The following UBE3D variants were observed in gnomAD, a reference collection of about 807,000 sequenced individuals.
UBE3D encodes the protein E3 ubiquitin-protein ligase E3D.
In UBE3D, 48 loss-of-function variants were observed where a neutral mutation model predicts 49.6. The ratio of observed to expected loss-of-function variants is 0.97; its 90% CI spans 0.77 to 1.23. The LOEUF is 1.23. UBE3D is among the 50% of genes most tolerant of loss of function. UBE3D has a pLI of 0.00. For missense variants in UBE3D, 452 were observed against 468.4 expected (o/e 0.96, Z 0.32); for synonymous variants, 189 against 174.2 (o/e 1.08, Z -0.67).
chr6:82,965,351 A>T (rs1776836057), intron 8 of UBE3D, among the ~76,000 whole-genome samples: 1 of 152,156 alleles, frequency 6.6e-6, no homozygotes, highest in Non-Finnish European at 1.5e-5. Flanking sequence ...TGGGAGGCCG[A>T]GGCCAGTGGA....
the UBE3D span, among the ~76,000 whole-genome samples, chr6:82,883,722 A>C: frequency 6.6e-6 from 1 of 152,206 alleles, no homozygotes; most frequent in African/African-American, 2.4e-5. Flanking sequence ...ACCTCAATCT[A>C]ATATACTTTC....
chr6:82,914,724 A>T (rs293491), intron 9 of UBE3D, among the ~76,000 whole-genome samples: 102,027 of 152,018 alleles, frequency 0.67, 34,769 homozygotes, highest in East Asian at 0.8. Flanking sequence ...AATTTATAGC[A>T]TTCTGCAAAG....
chr6:83,024,649 G>C (rs1781327894), intron 5 of UBE3D, among the ~76,000 whole-genome samples: 1 of 152,056 alleles, frequency 6.6e-6, no homozygotes, highest in Non-Finnish European at 1.5e-5. Flanking sequence ...TTGATCACCT[G>C]ACCCCATCCC....
downstream of UBE3D, among the ~76,000 whole-genome samples, chr6:82,887,826 C>G (rs902192024): frequency 6.6e-6 from 1 of 152,084 alleles, no homozygotes; most frequent in Non-Finnish European, 1.5e-5. Context: ...TATCACCATC[C>G]TATGAAGAGA....
chr6:83,052,009 T>C (rs976384542), intron 3 of UBE3D, among the ~76,000 whole-genome samples: 6 of 152,210 alleles, frequency 3.9e-5, no homozygotes, highest in Admixed American at 6.5e-5. Flanking sequence ...GGACAGTGCC[T>C]GATGCTGAGG....
At chr6:83,041,206 G>T (rs1782648314) in intron 4 of UBE3D, among the ~76,000 whole-genome samples, 1 of 152,054 alleles carries the variant, frequency 6.6e-6, no homozygotes, top group Non-Finnish European at 1.5e-5. Context: ...CAAGTGCTTT[G>T]ATATGTACTT....
intron 9 of UBE3D, among the ~76,000 whole-genome samples, chr6:82,948,689 G>C (rs187597978): frequency 6.6e-6 from 1 of 151,908 alleles, no homozygotes; most frequent in Non-Finnish European, 1.5e-5. Context: ...ATTTATCCCA[G>C]GGATACAAGT....
intron 8 of UBE3D, among the ~76,000 whole-genome samples, chr6:82,973,278 T>A (rs1777480235): frequency 6.6e-6 from 1 of 152,178 alleles, no homozygotes; most frequent in African/African-American, 2.4e-5. Flanking sequence ...ACAAAATCTA[T>A]CAGGTCAGTC....
intron 5 of UBE3D, among the ~76,000 whole-genome samples, chr6:83,032,566 A>C (rs1386250603): frequency 1.3e-5 from 2 of 152,340 alleles, no homozygotes; most frequent in Admixed American, 6.5e-5. Flanking sequence ...TTTTCAGTTA[A>C]TGCTGAAATG....
chr6:83,026,010 A>C lies in UBE3D; in HGVS notation c.668-1972T>G, dbSNP rs113211604. 9.6e-3 allele frequency among the ~76,000 whole-genome samples: 1,466 copies of C among 152,210 alleles called. 26 individuals carry two copies. The highest frequency in any genetic ancestry group is 0.034 in the African/African-American group (1,395 of 41,468). On this transcript the variant is annotated intron_variant, in intron 5 of 9. Transcript: ENST00000369747. Reference sequence around the variant, plus strand: ...AACACTTATCTATAGTGATACTCATAATATCAATAGAAAAATACTGAAAAC... The same window carrying C: ...AACACTTATCTATAGTGATACTCATCATATCAATAGAAAAATACTGAAAAC...
At chr6:83,020,299 T>C (rs948814756) in intron 7 of UBE3D, among the ~76,000 whole-genome samples, 4 of 150,718 alleles carry the variant, frequency 2.7e-5, no homozygotes, top group African/African-American at 9.8e-5. Context: ...ATACATACTG[T>C]GAAGCAAGCA....
intron 8 of UBE3D, among the ~76,000 whole-genome samples, chr6:82,971,766 T>C (rs1456518571): frequency 6.6e-6 from 1 of 152,076 alleles, no homozygotes; most frequent in East Asian, 1.9e-4. Flanking sequence ...TTTAAGTTTA[T>C]TTTTGCCAGA....
chr6:82,889,695 T>C (rs1770946800), downstream of UBE3D, among the ~76,000 whole-genome samples: 1 of 152,142 alleles, frequency 6.6e-6, no homozygotes, highest in Non-Finnish European at 1.5e-5. Flanking sequence ...TATATAGTAA[T>C]TTTATGATAA....
At chr6:82,952,781 G>A (rs1775896049) in intron 9 of UBE3D, among the ~76,000 whole-genome samples, 1 of 152,118 alleles carries the variant, frequency 6.6e-6, no homozygotes, top group African/African-American at 2.4e-5. Context: ...CATAGTCTCT[G>A]TAGCACAAAA....
chr6:83,038,154 T>A lies in UBE3D; in HGVS notation c.667+262A>T, dbSNP rs1361645685. The stretch of plus-strand genomic sequence containing the variant: ...CAAGAACAAACTTTATACTATTGCT[T>A]TATATCTACAAAGAGGCTATGAAAC... On this transcript the variant is annotated intron_variant, in intron 5 of 9. Transcript: ENST00000369747. The A allele has an allele frequency of 2.1e-5, 6 of 287,400 alleles. No individual in the cohort carries two copies. The Admixed American group carries it at 2.7e-4, about 13-fold the overall frequency. 17.8% of individuals were successfully genotyped at this position (287,400 alleles called of 1,614,324 possible). A position where few individuals can be genotyped will look rare whatever the true frequency, so the allele number is the denominator to read the frequency against.
At chr6:83,027,603 T>C (rs1056931425) in intron 5 of UBE3D, among the ~76,000 whole-genome samples, 2 of 152,130 alleles carry the variant, frequency 1.3e-5, no homozygotes, top group South Asian at 2.1e-4. Context: ...ACATTGGCAA[T>C]ATTGTTCTAC....
chr6:82,997,137 G>T (rs1779298047), intron 8 of UBE3D, among the ~76,000 whole-genome samples: 1 of 152,056 alleles, frequency 6.6e-6, no homozygotes, highest in East Asian at 1.9e-4. Context: ...AGTTTTTAAA[G>T]ATGTAAAATA....
chr6:82,917,490 C>T (rs927449374), intron 9 of UBE3D, among the ~76,000 whole-genome samples: 3 of 152,084 alleles, frequency 2.0e-5, no homozygotes, highest in Non-Finnish European at 4.4e-5. Context: ...TAGCTACATG[C>T]CGATAGGGAA....
chr6:82,998,937 A>G (rs1389276205), intron 8 of UBE3D, among the ~76,000 whole-genome samples: 1 of 152,202 alleles, frequency 6.6e-6, no homozygotes, highest in African/African-American at 2.4e-5. Flanking sequence ...AGAAAGGTTA[A>G]TATCACTATG....
Sources: gnomAD v4.1 joint callset for allele counts (sites outside exome capture counted in the v4.1 genomes callset) on GRCh38, gnomAD v4.1.1 for gene constraint, MANE v1.5 for transcripts, NCBI Gene and HGNC (gene_info 2026-07-23, HGNC 2026-07-21) for gene names.